THEMIS: variants seen among roughly 807,000 people sequenced by gnomAD.
THEMIS encodes thymocyte selection associated, also known as protein THEMIS.
Under a neutral mutation model 52.6 loss-of-function variants are expected in THEMIS, and 37 were observed. The ratio of observed to expected loss-of-function variants is 0.70; its 90% CI spans 0.54 to 0.93. The LOEUF (loss-of-function observed/expected upper bound fraction) is 0.93. Ranked by LOEUF, THEMIS falls within the 40% of genes least tolerant of loss-of-function variation. The pLI is 0.00. For synonymous variants in THEMIS, 292 were observed against 272.7 expected, an observed-to-expected ratio of 1.07 and a Z score of -0.70; for missense variants, 808 against 763.1, an observed-to-expected ratio of 1.06 and a Z score of -0.69.
intron 3 of THEMIS, among the ~76,000 whole-genome samples, chr6:127,824,798 G>A (rs1281996250): frequency 1.3e-5 from 2 of 152,116 alleles, no homozygotes; most frequent in African/African-American, 2.4e-5. Flanking sequence ...GGTGGCAGGC[G>A]CCTGTAGTCC....
intron 4 of THEMIS, among the ~76,000 whole-genome samples, chr6:127,782,851 C>T (rs1776795588): frequency 6.6e-6 from 1 of 152,182 alleles, no homozygotes; most frequent in South Asian, 2.1e-4. Context: ...TCCCATCAAG[C>T]TACCATGGAT....
At chr6:127,791,601 A>ACTGGGGATCTGCTCCTTT (rs1777159942) in intron 4 of THEMIS, among the ~76,000 whole-genome samples, 1 of 152,072 alleles carries the variant, frequency 6.6e-6, no homozygotes, top group Non-Finnish European at 1.5e-5. Flanking sequence ...ATGGGGCTTT[A>ACTGGGGATCTGCTCCTTT]CTGGGGATCT....
upstream of THEMIS, among the ~76,000 whole-genome samples, chr6:127,905,957 A>G (rs1781259335): frequency 6.8e-6 from 1 of 147,926 alleles, no homozygotes; most frequent in African/African-American, 2.4e-5. Context: ...TGAAATAATT[A>G]CATTTAAATG....
intron 3 of THEMIS, among the ~76,000 whole-genome samples, chr6:127,823,427 G>A (rs749972621): frequency 3.3e-5 from 5 of 152,114 alleles, no homozygotes; most frequent in Admixed American, 6.5e-5. Flanking sequence ...TATAGTGAGT[G>A]AGAAAACCCC....
intron 3 of THEMIS, among the ~76,000 whole-genome samples, chr6:127,819,806 G>C (rs191238211): frequency 6.6e-6 from 1 of 152,122 alleles, no homozygotes; most frequent in African/African-American, 2.4e-5. Context: ...TCAGAGAAAA[G>C]AAAAATGTTA....
chr6:127,918,195 C>T (rs557098021), intron 1 of THEMIS, among the ~76,000 whole-genome samples: 3 of 152,184 alleles, frequency 2.0e-5, no homozygotes, highest in East Asian at 1.9e-4. Context: ...AATAAACAAA[C>T]CCAGGCATAA....
chr6:127,877,933 A>G (rs954473154), intron 1 of THEMIS, among the ~76,000 whole-genome samples: 6 of 152,220 alleles, frequency 3.9e-5, no homozygotes, highest in Admixed American at 1.3e-4. Flanking sequence ...AGTTTTAACC[A>G]CAGGGAAAGG....
chr6:127,854,981 T>C (rs1224056810), intron 2 of THEMIS, 49 bp downstream of exon 2: 1 of 1,498,506 alleles, frequency 6.7e-7, no homozygotes, highest in East Asian at 2.4e-5. Flanking sequence ...ATATACATAT[T>C]AATAACAATA....
At chr6:127,869,496 T>A (rs1347117253) in intron 1 of THEMIS, among the ~76,000 whole-genome samples, 1 of 152,170 alleles carries the variant, frequency 6.6e-6, no homozygotes, top group Non-Finnish European at 1.5e-5. Flanking sequence ...AAAAGTACAT[T>A]TTCTACTAAA....
In THEMIS at chr6:127,709,156, T is replaced by C. The variant is rs528218365; in HGVS notation, c.*829A>G. 6.6e-6 allele frequency: 1 copy of C among 152,196 alleles called. No homozygotes were observed. Among genetic ancestry groups the C allele is most frequent in the African/African-American group, 2.4e-5 (1 of 41,570 alleles). 9.4% of individuals were successfully genotyped at this position (152,196 alleles called of 1,614,324 possible). A position where few individuals can be genotyped will look rare whatever the true frequency, so the allele number is the denominator to read the frequency against. The stretch of plus-strand genomic sequence containing the variant: ...CTAATTAAGAATCACTTTGGTTTCT[T>C]GTCAGCCAAATTTATTATATTACAA... On this transcript the variant is annotated 3_prime_UTR_variant, in exon 6 of 6. Transcript: ENST00000368248.
At chr6:127,740,842 G>A (rs1775179286) in intron 4 of THEMIS, among the ~76,000 whole-genome samples, 1 of 152,068 alleles carries the variant, frequency 6.6e-6, no homozygotes, top group South Asian at 2.1e-4. Context: ...AAATTTAGGG[G>A]ACATTTTGTG....
chr6:127,716,576 T>C (rs1774169823), intron 5 of THEMIS, among the ~76,000 whole-genome samples: 1 of 151,872 alleles, frequency 6.6e-6, no homozygotes, highest in South Asian at 2.1e-4. Context: ...AGGTCTTTGT[T>C]GTGACTGTAT....
At chr6:127,727,275 G>C (rs977581086) in intron 4 of THEMIS, among the ~76,000 whole-genome samples, 2 of 152,160 alleles carry the variant, frequency 1.3e-5, no homozygotes, top group Non-Finnish European at 2.9e-5. Context: ...CTTAGAGTCT[G>C]TAAGTGTAAT....
At chr6:127,838,197 CTCAA>C (rs1778933541) in intron 2 of THEMIS, among the ~76,000 whole-genome samples, 1 of 152,016 alleles carries the variant, frequency 6.6e-6, no homozygotes, top group Non-Finnish European at 1.5e-5. Flanking sequence ...AAAGAAGCTA[CTCAA>C]TCTATTACAA....
chr6:127,756,206 A>G (rs1775820478), intron 4 of THEMIS, among the ~76,000 whole-genome samples: 1 of 152,202 alleles, frequency 6.6e-6, no homozygotes, highest in African/African-American at 2.4e-5. Context: ...TGTCAGGTAA[A>G]AACGGTAGAA....
intron 4 of THEMIS, among the ~76,000 whole-genome samples, chr6:127,771,539 C>G (rs1776384553): frequency 6.6e-6 from 1 of 152,162 alleles, no homozygotes; most frequent in African/African-American, 2.4e-5. Flanking sequence ...GTAACCAAAA[C>G]AGCATGATAC....
chr6:127,875,999 T>C (rs186865869), intron 1 of THEMIS, among the ~76,000 whole-genome samples: 6 of 152,366 alleles, frequency 3.9e-5, no homozygotes, highest in Admixed American at 1.3e-4. Flanking sequence ...TTAAACAAAT[T>C]AATGTGTTAA....
At chr6:127,742,424 T>A (rs1468781523) in intron 4 of THEMIS, among the ~76,000 whole-genome samples, 1 of 151,716 alleles carries the variant, frequency 6.6e-6, no homozygotes, top group Non-Finnish European at 1.5e-5. Flanking sequence ...TATGTATATT[T>A]AAAAAAAACC....
In THEMIS at chr6:127,777,684, C is replaced by T. The variant is rs75218960; in HGVS notation, c.1758+35199G>A. On this transcript the variant is annotated intron_variant, in intron 4 of 5. Coordinates refer to ENST00000368248, the MANE Select transcript of THEMIS (RefSeq NM_001010923.3). ...GGCTGCTTACCAGATAATGGACAAA[C>T]ACCACTGTGCTCAGTTATCTTTACG... Among the ~76,000 whole-genome samples the T allele has an allele frequency of 1.4e-3, 208 of 152,246 alleles. 4 individuals carry two copies. In the East Asian group the frequency reaches 0.037, roughly 27 times the overall value.
Sources: allele counts gnomAD v4.1 joint callset (sites outside exome capture counted in the v4.1 genomes callset), GRCh38; gene constraint gnomAD v4.1.1; transcripts MANE v1.5; gene names NCBI Gene and HGNC (gene_info 2026-07-23, HGNC 2026-07-21).